Variants in TRAPPC9 observed in about 807,000 individuals in gnomAD.
The protein encoded by TRAPPC9 is trafficking protein particle complex subunit 9.
In TRAPPC9, 83 loss-of-function variants were observed where a neutral mutation model predicts 124.0. That is an observed-to-expected ratio of 0.67 (90% CI 0.56 to 0.80). The LOEUF (loss-of-function observed/expected upper bound fraction) is 0.80, where lower values mean the gene tolerates loss of function less well. Among genes scored for constraint, TRAPPC9 ranks in the 30% least tolerant of loss-of-function variants. The pLI, the probability that TRAPPC9 is intolerant of heterozygous loss-of-function variation, is 0.00. For synonymous variants in TRAPPC9, 638 were observed against 617.5 expected (o/e 1.03, Z -0.49); for missense variants, 1,302 against 1,508.3 (o/e 0.86, Z 2.27).
intron 7 of TRAPPC9, among the ~76,000 whole-genome samples, chr8:140,377,085 C>T (rs1279218192): frequency 7.2e-5 from 11 of 152,140 alleles, no homozygotes; most frequent in African/African-American, 1.2e-4. Context: ...GCAAAGTCCG[C>T]GCTTGACCCC....
intron 15 of TRAPPC9, among the ~76,000 whole-genome samples, chr8:140,266,776 T>C (rs149758925): frequency 0.19 from 28,069 of 150,124 alleles, 2,655 homozygotes; most frequent in Admixed American, 0.23. Flanking sequence ...AGGAGAATGG[T>C]GTGAACCCGG....
intron 21 of TRAPPC9, among the ~76,000 whole-genome samples, chr8:139,758,677 C>T (rs1820018963): frequency 6.6e-6 from 1 of 152,166 alleles, no homozygotes; most frequent in African/African-American, 2.4e-5. Context: ...AAGGCAGGGG[C>T]AAGAAAACCT....
At chr8:140,184,561 G>A (rs555976099) in intron 17 of TRAPPC9, among the ~76,000 whole-genome samples, 13 of 151,992 alleles carry the variant, frequency 8.6e-5, no homozygotes, top group South Asian at 2.1e-4. Context: ...TCAGCCTCCC[G>A]AACAGCTGGG....
At chr8:139,838,943 G>A (rs1013063502) in intron 21 of TRAPPC9, among the ~76,000 whole-genome samples, 3 of 152,210 alleles carry the variant, frequency 2.0e-5, no homozygotes, top group Non-Finnish European at 4.4e-5. Context: ...TGTGCAGCAA[G>A]AGGGACACAC....
chr8:140,214,579 A>T (rs1186285586), intron 17 of TRAPPC9, among the ~76,000 whole-genome samples: 1 of 152,206 alleles, frequency 6.6e-6, no homozygotes, highest in Non-Finnish European at 1.5e-5. Context: ...CTCTTTTATC[A>T]TTTAAGCCTC....
chr8:139,848,356 T>A (rs370785060), intron 21 of TRAPPC9, among the ~76,000 whole-genome samples: 1 of 152,136 alleles, frequency 6.6e-6, no homozygotes, highest in Non-Finnish European at 1.5e-5. Flanking sequence ...AATACACACA[T>A]GCATGAGAGA....
intron 19 of TRAPPC9, among the ~76,000 whole-genome samples, chr8:139,944,617 G>A (rs1739195871): frequency 6.6e-6 from 1 of 152,140 alleles, no homozygotes; most frequent in African/African-American, 2.4e-5. Flanking sequence ...AAATTCATAT[G>A]TGAATATGTA....
At chr8:140,129,619 A>C (rs1372672874) in intron 17 of TRAPPC9, among the ~76,000 whole-genome samples, 25 of 152,174 alleles carry the variant, frequency 1.6e-4, no homozygotes, top group Non-Finnish European at 1.5e-5. Flanking sequence ...TACACACAGG[A>C]GGATTGAACA....
At chr8:140,328,344 G>C (rs980165914) in intron 9 of TRAPPC9, among the ~76,000 whole-genome samples, 1 of 152,034 alleles carries the variant, frequency 6.6e-6, no homozygotes. Context: ...AAAATACTTA[G>C]GTAGAAATCT....
At chr8:140,181,351 C>T (rs2062198982) in intron 17 of TRAPPC9, among the ~76,000 whole-genome samples, 1 of 152,208 alleles carries the variant, frequency 6.6e-6, no homozygotes, top group South Asian at 2.1e-4. Context: ...ACTTCCACCT[C>T]CAGGGTCCAA....
chr8:139,737,400 C>T (rs969894563), intron 21 of TRAPPC9, among the ~76,000 whole-genome samples: 5 of 149,330 alleles, frequency 3.3e-5, no homozygotes, highest in African/African-American at 1.2e-4. Context: ...GTGTCCCCTC[C>T]CTCGGCCGCT....
At chr8:140,033,499 G>A (rs967755243) in intron 17 of TRAPPC9, among the ~76,000 whole-genome samples, 4 of 150,978 alleles carry the variant, frequency 2.6e-5, no homozygotes, top group African/African-American at 4.9e-5. Flanking sequence ...AAGAGATCTC[G>A]GAGAAGCCAC....
intron 16 of TRAPPC9, among the ~76,000 whole-genome samples, chr8:140,233,937 T>C (rs751189138): frequency 1.3e-5 from 2 of 152,158 alleles, no homozygotes; most frequent in Non-Finnish European, 2.9e-5. Flanking sequence ...GCAGTTATAA[T>C]TTTTCATTTA....
intron 17 of TRAPPC9, among the ~76,000 whole-genome samples, chr8:140,184,523 C>G (rs969637174): frequency 3.4e-4 from 52 of 152,168 alleles, no homozygotes; most frequent in Non-Finnish European, 2.9e-4. Flanking sequence ...GCAACCTCCA[C>G]CTCCCGGGTT....
intron 20 of TRAPPC9, among the ~76,000 whole-genome samples, chr8:139,909,791 G>A (rs1831592896): frequency 6.6e-6 from 1 of 152,216 alleles, no homozygotes; most frequent in African/African-American, 2.4e-5. Context: ...AATTGCACTT[G>A]TGTTTTCAGC....
chr8:140,228,656 T>A (rs549471498), intron 16 of TRAPPC9, among the ~76,000 whole-genome samples: 1 of 152,284 alleles, frequency 6.6e-6, no homozygotes, highest in South Asian at 2.1e-4. Flanking sequence ...GAAGCCTCCA[T>A]GTACAGGAGG....
chr8:140,074,290 A>AT (rs1374386033), intron 17 of TRAPPC9, among the ~76,000 whole-genome samples: 1 of 152,090 alleles, frequency 6.6e-6, no homozygotes, highest in Non-Finnish European at 1.5e-5. Flanking sequence ...GGGACACAGC[A>AT]TCCCCCGAAC....
intron 9 of TRAPPC9, among the ~76,000 whole-genome samples, chr8:140,335,424 T>C (rs1483088474): frequency 6.6e-6 from 1 of 152,108 alleles, no homozygotes; most frequent in Non-Finnish European, 1.5e-5. Flanking sequence ...GTATGACAAC[T>C]TGGGGATGAC....
At chr8:140,158,077 AT>A (rs1475057205) in intron 17 of TRAPPC9, among the ~76,000 whole-genome samples, 1 of 152,326 alleles carries the variant, frequency 6.6e-6, no homozygotes, top group Non-Finnish European at 1.5e-5. Flanking sequence ...GCTATAACAG[AT>A]AACCTAATAT....
Sources: allele counts gnomAD v4.1 joint callset (sites outside exome capture counted in the v4.1 genomes callset), GRCh38; gene constraint gnomAD v4.1.1; transcripts MANE v1.5; gene names NCBI Gene and HGNC (gene_info 2026-07-23, HGNC 2026-07-21).